Variants in WWC2 observed in about 807,000 individuals in gnomAD.
WWC2 encodes protein WWC2.
In WWC2, 101 loss-of-function variants were observed where a neutral mutation model predicts 138.5. That is an observed-to-expected ratio of 0.73 (90% CI 0.62 to 0.86). The LOEUF is 0.86. Among genes scored for constraint, WWC2 ranks in the 40% least tolerant of loss-of-function variants. WWC2 has a pLI of 0.00. For synonymous variants in WWC2, 558 were observed against 538.4 expected, an observed-to-expected ratio of 1.04 and a Z score of -0.50; for missense variants, 1,420 against 1,419.4, an observed-to-expected ratio of 1.00 and a Z score of -0.01.
intron 21 of WWC2, among the ~76,000 whole-genome samples, chr4:183,300,452 A>C (rs1288786169): frequency 1.3e-5 from 2 of 152,010 alleles, no homozygotes; most frequent in Non-Finnish European, 2.9e-5. Context: ...TGCAAATGTT[A>C]ACACTCTTAA....
intron 2 of WWC2, among the ~76,000 whole-genome samples, chr4:183,207,207 A>G (rs1735471103): frequency 6.6e-6 from 1 of 151,040 alleles, no homozygotes; most frequent in Admixed American, 6.6e-5. Context: ...TTTTTTTAAA[A>G]GGGTCTCTGG....
chr4:183,223,634 CT>C (rs1481194552), intron 4 of WWC2, among the ~76,000 whole-genome samples: 2 of 152,082 alleles, frequency 1.3e-5, no homozygotes, highest in Non-Finnish European at 2.9e-5. Flanking sequence ...TTTCTATTGG[CT>C]TTTTTGAATC....
At chr4:183,270,081 T>G (rs993036457) in intron 15 of WWC2, 9 of 152,236 alleles carry the variant, frequency 5.9e-5, no homozygotes, top group African/African-American at 2.2e-4. Context: ...TCTTGTTTTC[T>G]TTACTTGAAA....
intron 1 of WWC2, among the ~76,000 whole-genome samples, chr4:183,117,962 G>T (rs1042210938): frequency 2.9e-5 from 4 of 136,042 alleles, no homozygotes; most frequent in East Asian, 2.2e-4. Context: ...CACCATGCTC[G>T]GCTAATTTTT....
chr4:183,287,817 A>G (rs1738307539), intron 20 of WWC2, among the ~76,000 whole-genome samples: 1 of 152,178 alleles, frequency 6.6e-6, no homozygotes, highest in African/African-American at 2.4e-5. Context: ...ACAAGAGCCA[A>G]TTGTGCTCGT....
intron 21 of WWC2, among the ~76,000 whole-genome samples, chr4:183,301,579 G>A (rs1308995396): frequency 2.6e-5 from 4 of 152,246 alleles, no homozygotes; most frequent in African/African-American, 4.8e-5. Context: ...ATAAAGTAGT[G>A]TGAGTATAAT....
intron 2 of WWC2, among the ~76,000 whole-genome samples, chr4:183,204,125 C>G (rs907010469): frequency 1.3e-5 from 2 of 152,202 alleles, no homozygotes; most frequent in Non-Finnish European, 2.9e-5. Context: ...TGCAAAGTCT[C>G]TGACTCCACA....
intron 1 of WWC2, among the ~76,000 whole-genome samples, chr4:183,150,116 G>GTGAGA (rs1464696462): frequency 6.6e-6 from 1 of 152,198 alleles, no homozygotes; most frequent in Non-Finnish European, 1.5e-5. Context: ...TGGACAGGGA[G>GTGAGA]TGAGAGGTCC....
At position 183,253,749 on chromosome 4, in the gene WWC2, T is replaced by C. The variant is rs1737048905; in HGVS notation, c.954-8T>C. ...ATGTGCATACCTCTTCTATCTTTTT[T>C]TTTTTAGTATGGCCAACTTAAAAAT... On this transcript the variant is annotated splice_region_variant and splice_polypyrimidine_tract_variant and intron_variant, in intron 8 of 22. Coordinates refer to ENST00000403733, the MANE Select transcript of WWC2 (RefSeq NM_024949.6). 1 of 1,604,374 alleles carries C rather than the reference T, an allele frequency of 6.2e-7. No individual in the cohort carries two copies. The highest frequency in any genetic ancestry group is 1.7e-4 in the Middle Eastern group (1 of 5,966).
intron 1 of WWC2, among the ~76,000 whole-genome samples, chr4:183,104,567 G>C (rs534258608): frequency 6.6e-6 from 1 of 152,134 alleles, no homozygotes; most frequent in Non-Finnish European, 1.5e-5. Flanking sequence ...TAGACTGCTG[G>C]AATTGTTCCT....
intron 14 of WWC2, among the ~76,000 whole-genome samples, chr4:183,267,141 G>A (rs1170473353): frequency 6.6e-6 from 1 of 151,864 alleles, no homozygotes; most frequent in East Asian, 1.9e-4. Context: ...ACAGGCGTGA[G>A]CCACCGAGCC....
intron 20 of WWC2, among the ~76,000 whole-genome samples, chr4:183,286,918 T>C (rs1035226191): frequency 6.6e-6 from 1 of 152,088 alleles, no homozygotes; most frequent in Non-Finnish European, 1.5e-5. Flanking sequence ...TTGAATACAA[T>C]TTCAAAAAGA....
intron 1 of WWC2, among the ~76,000 whole-genome samples, chr4:183,151,001 G>A (rs577321522): frequency 7.9e-5 from 12 of 152,172 alleles, no homozygotes; most frequent in African/African-American, 2.4e-4. Flanking sequence ...ATAAACATAC[G>A]TGTGCATGTG....
chr4:183,137,158 C>T (rs1318260885), intron 1 of WWC2, among the ~76,000 whole-genome samples: 3 of 152,130 alleles, frequency 2.0e-5, no homozygotes, highest in Non-Finnish European at 4.4e-5. Context: ...CCTTTATAAA[C>T]ACTGCACACT....
chr4:183,152,197 A>G (rs1034426361), intron 1 of WWC2, among the ~76,000 whole-genome samples: 13 of 152,008 alleles, frequency 8.6e-5, no homozygotes, highest in African/African-American at 9.7e-5. Context: ...TGGTTGTTCT[A>G]TGTACATTTT....
intron 1 of WWC2, among the ~76,000 whole-genome samples, chr4:183,193,335 C>G (rs186507807): frequency 7.7e-4 from 117 of 152,316 alleles, no homozygotes; most frequent in African/African-American, 2.6e-3. Flanking sequence ...CTTCCTCACT[C>G]TCAGCTTGGC....
chr4:183,162,570 G>A (rs1313240264), intron 1 of WWC2, among the ~76,000 whole-genome samples: 1 of 152,000 alleles, frequency 6.6e-6, no homozygotes, highest in Non-Finnish European at 1.5e-5. Context: ...TTTACTCTTT[G>A]GCACCTTGTC....
At chr4:183,103,847 G>A (rs939172667) in intron 1 of WWC2, among the ~76,000 whole-genome samples, 7 of 148,082 alleles carry the variant, frequency 4.7e-5, no homozygotes, top group African/African-American at 7.5e-5. Flanking sequence ...TGTTGGCCAG[G>A]ATGATCTCCA....
chr4:183,306,881 C>CAAA lies in WWC2; in HGVS notation c.3385-5446_3385-5444dup, dbSNP rs55750701. ...CTAACAGCACCAACTATATATGAGG[C>CAAA]AAAAAAAAAAAAAAAACTACAAGGA... On this transcript the variant is annotated intron_variant, in intron 21 of 22. Coordinates refer to ENST00000403733, the MANE Select transcript of WWC2 (RefSeq NM_024949.6). 4.7e-5 allele frequency among the ~76,000 whole-genome samples: 4 copies of CAAA among 85,112 alleles called. 1 individual carries two copies. Among genetic ancestry groups the CAAA allele is most frequent in the African/African-American group, 9.0e-5 (2 of 22,130 alleles). The allele number at this position is 85,112 out of a possible 152,430, so 55.8% of individuals were successfully genotyped here. A position where few individuals can be genotyped will look rare whatever the true frequency, so the allele number is the denominator to read the frequency against.
Sources: gnomAD v4.1 joint callset for allele counts (sites outside exome capture counted in the v4.1 genomes callset) on GRCh38, gnomAD v4.1.1 for gene constraint, MANE v1.5 for transcripts, NCBI Gene and HGNC (gene_info 2026-07-23, HGNC 2026-07-21) for gene names.